DNAH7: variants seen among roughly 807,000 people sequenced by gnomAD.
The protein encoded by DNAH7 is axonemal beta dynein heavy chain 7.
A neutral mutation model predicts 444.6 loss-of-function variants in DNAH7; 397 were observed. That is an observed-to-expected ratio of 0.89 (90% CI 0.82 to 0.97). The LOEUF is 0.97. Ranked by LOEUF, DNAH7 falls within the 50% of genes least tolerant of loss-of-function variation. The pLI, the probability that DNAH7 is intolerant of heterozygous loss-of-function variation, is 0.00. For missense variants in DNAH7, 4,902 were observed against 4,800.8 expected (o/e 1.02, Z -0.62); for synonymous variants, 1,636 against 1,624.4 (o/e 1.01, Z -0.17).
At chr2:196,016,024 T>C (rs1694998697) in intron 9 of DNAH7, among the ~76,000 whole-genome samples, 1 of 152,236 alleles carries the variant, frequency 6.6e-6, no homozygotes, top group Non-Finnish European at 1.5e-5. Flanking sequence ...CTAACATCTC[T>C]GCCACCACAA....
At chr2:195,818,298 G>A (rs1394185837) in intron 49 of DNAH7, among the ~76,000 whole-genome samples, 1 of 152,150 alleles carries the variant, frequency 6.6e-6, no homozygotes, top group Non-Finnish European at 1.5e-5. Flanking sequence ...AAGAGAAAAG[G>A]GAACACTGTA....
intron 64 of DNAH7, among the ~76,000 whole-genome samples, chr2:195,739,812 T>C (rs1375112684): frequency 6.6e-6 from 1 of 152,210 alleles, no homozygotes; most frequent in African/African-American, 2.4e-5. Context: ...CCAACACACG[T>C]TCCCAGCTCG....
intron 24 of DNAH7, among the ~76,000 whole-genome samples, chr2:195,918,427 T>C (rs186894): frequency 0.084 from 12,828 of 152,264 alleles, 933 homozygotes; most frequent in African/African-American, 0.2. Context: ...CCTAGTTATT[T>C]ACCCAAATGA....
chr2:195,775,180 T>C (rs1410857372), intron 60 of DNAH7, among the ~76,000 whole-genome samples: 1 of 152,240 alleles, frequency 6.6e-6, no homozygotes, highest in African/African-American at 2.4e-5. Flanking sequence ...TTCATTAAAA[T>C]GTACTGACCT....
Position 195,845,124 on chromosome 2 carries a change from A to T in DNAH7, c.8823T>A (p.Asp2941Glu). ...GAGAGCAATCATCTGAGCAGGGGATATCTCTTCCTTTGCACAAAGTTGTCC... is the reference window on the plus strand; with the variant it reads ...GAGAGCAATCATCTGAGCAGGGGATTTCTCTTCCTTTGCACAAAGTTGTCC... ...KEWTTLCKGR[D>E]IPCSDDCSLM... Residue 2941 changes from aspartate to glutamate, a missense_variant, in exon 47 of 65, where the codon GAT becomes GAA. Transcript: ENST00000312428. 1 of 1,613,120 alleles carries T rather than the reference A, an allele frequency of 6.2e-7. No individual in the cohort carries two copies. The highest frequency in any genetic ancestry group is 1.3e-5 in the African/African-American group (1 of 75,018).
At chr2:196,068,591 G>C in intron 1 of DNAH7, 106 bp downstream of exon 1, 3 of 1,442,946 alleles carry the variant, frequency 2.1e-6, no homozygotes, top group South Asian at 1.3e-5. Context: ...GTACACCGCG[G>C]AGTCACAGCT....
chr2:195,934,800 A>G lies in DNAH7; in HGVS notation c.3273-11T>C, dbSNP rs753191443. Reference sequence around the variant, plus strand: ...AAGTGAGGTTGCACCCTGTCAGGAAAAACATTTTTAAGATAATTAACCAAG... The same window carrying G: ...AAGTGAGGTTGCACCCTGTCAGGAAGAACATTTTTAAGATAATTAACCAAG... On this transcript the variant is annotated splice_polypyrimidine_tract_variant and intron_variant, in intron 20 of 64. Transcript: ENST00000312428. 4.3e-6 allele frequency: 7 copies of G among 1,613,716 alleles called. No homozygotes were observed. The highest frequency in any genetic ancestry group is 5.1e-6 in the Non-Finnish European group (6 of 1,179,814).
chr2:195,993,868 A>C (rs1415128087), intron 12 of DNAH7, among the ~76,000 whole-genome samples: 1 of 152,222 alleles, frequency 6.6e-6, no homozygotes, highest in East Asian at 1.9e-4. Context: ...ATTGTTTACC[A>C]GTGGGTCAGG....
intron 7 of DNAH7, 30 bp from the exon 8 acceptor site, chr2:196,024,534 T>A (rs1559345704): frequency 1.5e-6 from 2 of 1,335,032 alleles, no homozygotes; most frequent in African/African-American, 1.5e-5. Context: ...TTCTGATAAA[T>A]AACCTTATAT....
chr2:196,022,637 A>G (rs1480511361), intron 8 of DNAH7, among the ~76,000 whole-genome samples: 1 of 152,184 alleles, frequency 6.6e-6, no homozygotes, highest in Non-Finnish European at 1.5e-5. Context: ...CTGGCTTCCA[A>G]CACATCTTTC....
In DNAH7 at chr2:195,779,210, G is replaced by A. The variant is rs777541599; in HGVS notation, c.10879-1225C>T. On this transcript the variant is annotated intron_variant, in intron 58 of 64. Transcript: ENST00000312428. ...TTTACAATTTCATAAAACATTCTTT[G>A]AAAATACTATTTTAATAACTGTTTT... Among the ~76,000 whole-genome samples the A allele has an allele frequency of 7.6e-4, 115 of 152,164 alleles. 1 individual carries two copies. Among genetic ancestry groups the A allele is most frequent in the Middle Eastern group, 6.8e-3 (2 of 294 alleles).
chr2:195,816,919 G>A lies in DNAH7; in HGVS notation c.9470C>T (p.Ser3157Phe), dbSNP rs1233146268. Residue 3157 changes from serine to phenylalanine, a missense_variant, in exon 51 of 65, where the codon TCT becomes TTT. By Grantham distance (155) the Ser-to-Phe change is radical. Coordinates refer to ENST00000312428, the MANE Select transcript of DNAH7 (RefSeq NM_018897.3). Reference sequence around the variant, plus strand: ...ATCTTCTAATATATTGCCTTCCGAAGATGAAAGAACTTCTAAAATCTTGTC... The same window carrying A: ...ATCTTCTAATATATTGCCTTCCGAAAATGAAAGAACTTCTAAAATCTTGTC... ...IEDKILEVLS[S>F]SEGNILEDET... 6.2e-7 allele frequency: 1 copy of A among 1,609,114 alleles called. No homozygotes were observed. Among genetic ancestry groups the A allele is most frequent in the Admixed American group, 1.7e-5 (1 of 59,288 alleles).
chr2:196,000,596 A>C, intron 12 of DNAH7, 108 bp downstream of exon 12: 1 of 960,606 alleles, frequency 1.0e-6, no homozygotes, highest in Non-Finnish European at 1.4e-6. Context: ...ATAAGCCAAC[A>C]TTATTATATT....
At chr2:196,045,165 A>C (rs943347828) in intron 5 of DNAH7, among the ~76,000 whole-genome samples, 4 of 145,970 alleles carry the variant, frequency 2.7e-5, no homozygotes, top group African/African-American at 1.0e-4. Context: ...GAGAAGAAGG[A>C]GGAGGAGGAG....
intron 54 of DNAH7, 128 bp from the exon 55 acceptor site, chr2:195,799,600 G>C: frequency 1.5e-6 from 1 of 678,190 alleles, no homozygotes; most frequent in Non-Finnish European, 2.2e-6. Context: ...CATTAATGGT[G>C]GGGAGTCCAA....
At chr2:195,897,366 C>G (rs1371878384) in intron 29 of DNAH7, among the ~76,000 whole-genome samples, 1 of 151,994 alleles carries the variant, frequency 6.6e-6, no homozygotes, top group Non-Finnish European at 1.5e-5. Context: ...TGTGTTAGAC[C>G]AATTATTTTT....
At chr2:195,871,056 G>A (rs1700657082) in intron 40 of DNAH7, among the ~76,000 whole-genome samples, 1 of 152,124 alleles carries the variant, frequency 6.6e-6, no homozygotes. Context: ...GCTGTGGAGT[G>A]CTATAAGAAT....
At chr2:196,025,872 A>G (rs919418290) in intron 7 of DNAH7, among the ~76,000 whole-genome samples, 4 of 152,100 alleles carry the variant, frequency 2.6e-5, no homozygotes, top group African/African-American at 9.7e-5. Context: ...TTATTTCTCC[A>G]ATTTTGAACA....
chr2:195,748,586 T>C (rs1161206881), intron 63 of DNAH7, among the ~76,000 whole-genome samples: 2 of 152,130 alleles, frequency 1.3e-5, no homozygotes, highest in Non-Finnish European at 1.5e-5. Flanking sequence ...CTTCAAACTA[T>C]ACTACAAGGC....
Sources: allele counts gnomAD v4.1 joint callset (sites outside exome capture counted in the v4.1 genomes callset), GRCh38; gene constraint gnomAD v4.1.1; transcripts MANE v1.5; gene names NCBI Gene and HGNC (gene_info 2026-07-23, HGNC 2026-07-21).